The following DIRAS2 variants were observed in gnomAD, a reference collection of about 807,000 sequenced individuals.
DIRAS2 encodes GTP-binding protein Di-Ras2.
In DIRAS2, 5 loss-of-function variants were observed where a neutral mutation model predicts 13.9. That is an observed-to-expected ratio of 0.36 (90% CI 0.19 to 0.76). The LOEUF (loss-of-function observed/expected upper bound fraction) is 0.76, where lower values mean the gene tolerates loss of function less well. Among genes scored for constraint, DIRAS2 ranks in the 30% least tolerant of loss-of-function variants. DIRAS2 has a pLI of 0.53. For missense variants in DIRAS2, 191 were observed against 263.0 expected (o/e 0.73, Z 1.89); for synonymous variants, 111 against 105.4 (o/e 1.05, Z -0.33).
chr9:90,636,648 G>A (rs1002206980), intron 1 of DIRAS2, among the ~76,000 whole-genome samples: 1 of 152,150 alleles, frequency 6.6e-6, no homozygotes, highest in Non-Finnish European at 1.5e-5. Flanking sequence ...CATTTAGCAT[G>A]TGACTAAATG....
intron 1 of DIRAS2, among the ~76,000 whole-genome samples, chr9:90,620,830 T>TG (rs1407623002): frequency 7.2e-5 from 11 of 152,174 alleles, no homozygotes; most frequent in Non-Finnish European, 7.3e-5. Flanking sequence ...GGTGGCCTGC[T>TG]GGGTGCTGGA....
At chr9:90,619,187 C>T (rs1232677530) in intron 1 of DIRAS2, among the ~76,000 whole-genome samples, 1 of 152,058 alleles carries the variant, frequency 6.6e-6, no homozygotes, top group African/African-American at 2.4e-5. Context: ...TGCCAGTAAT[C>T]CCAGCATATT....
rs908695419 is a variant in DIRAS2, at chr9:90,609,940, T to C, written c.*3288A>G. 2.6e-5 allele frequency: 4 copies of C among 152,322 alleles called. No homozygotes were observed. Among genetic ancestry groups the C allele is most frequent in the Admixed American group, 1.3e-4 (2 of 15,278 alleles). The allele number at this position is 152,322 out of a possible 1,614,324, so 9.4% of individuals were successfully genotyped here. A position where few individuals can be genotyped will look rare whatever the true frequency, so the allele number is the denominator to read the frequency against. ...GTGATTTTTATAACCGCAGAGTAAA[T>C]AAAATATAATAGAGAATAGACTTGT... On this transcript the variant is annotated 3_prime_UTR_variant, in exon 2 of 2. Transcript: ENST00000375765.
intron 1 of DIRAS2, among the ~76,000 whole-genome samples, chr9:90,626,894 T>C (rs1825274656): frequency 1.3e-5 from 2 of 152,142 alleles, no homozygotes; most frequent in African/African-American, 4.8e-5. Flanking sequence ...CAAAATGCAG[T>C]ATACATAGAC....
Position 90,613,956 on chromosome 9 carries a change from T to C in DIRAS2, c.-36-93A>G, listed in dbSNP as rs1008278435. 23 of 1,221,900 alleles carry C rather than the reference T, an allele frequency of 1.9e-5. No homozygotes were observed. The highest frequency in any genetic ancestry group is 8.5e-5 in the Admixed American group (3 of 35,090). 75.7% of individuals were successfully genotyped at this position (1,221,900 alleles called of 1,614,324 possible). On this transcript the variant is annotated intron_variant, in intron 1 of 1. Coordinates refer to ENST00000375765, the MANE Select transcript of DIRAS2 (RefSeq NM_017594.5). The surrounding 1 kb of genome is among the most constrained non-coding windows in gnomAD (Gnocchi z 5.6). Reference sequence around the variant, plus strand: ...CTACCCTCTTTTGATAGCTTAAAAATGGGAGGTGATAACATTTAAAATAGC... The same window carrying C: ...CTACCCTCTTTTGATAGCTTAAAAACGGGAGGTGATAACATTTAAAATAGC...
At chr9:90,642,088 G>T (rs143653506) in intron 1 of DIRAS2, among the ~76,000 whole-genome samples, 18 of 152,232 alleles carry the variant, frequency 1.2e-4, no homozygotes, top group South Asian at 2.1e-4. Flanking sequence ...AGAGAGGCAG[G>T]TTCCCACAAC....
chr9:90,615,343 A>T (rs1296339556), intron 1 of DIRAS2, among the ~76,000 whole-genome samples: 1 of 152,224 alleles, frequency 6.6e-6, no homozygotes, highest in Non-Finnish European at 1.5e-5. Flanking sequence ...GCACTTTGGA[A>T]TCCCAAACCC....
chr9:90,629,474 T>G (rs915385474), intron 1 of DIRAS2, among the ~76,000 whole-genome samples: 1 of 151,954 alleles, frequency 6.6e-6, no homozygotes, highest in Admixed American at 6.6e-5. Flanking sequence ...CACCGGAATG[T>G]ATGGTACAAA....
At chr9:90,626,359 C>T (rs952640527) in intron 1 of DIRAS2, among the ~76,000 whole-genome samples, 1 of 151,184 alleles carries the variant, frequency 6.6e-6, no homozygotes, top group Non-Finnish European at 1.5e-5. Flanking sequence ...ATAGTCCAAA[C>T]TACCAGAGAG....
At chr9:90,637,485 C>T (rs953288171) in intron 1 of DIRAS2, among the ~76,000 whole-genome samples, 1 of 152,148 alleles carries the variant, frequency 6.6e-6, no homozygotes, top group Non-Finnish European at 1.5e-5. Context: ...TTGAAAATTA[C>T]TATCAAGTTC....
At chr9:90,641,261 G>C (rs960736192) in intron 1 of DIRAS2, among the ~76,000 whole-genome samples, 2 of 152,154 alleles carry the variant, frequency 1.3e-5, no homozygotes, top group Non-Finnish European at 2.9e-5. Flanking sequence ...TATTAAAGCT[G>C]TAACAAAGAA....
At chr9:90,636,449 A>G (rs1002259518) in intron 1 of DIRAS2, among the ~76,000 whole-genome samples, 2 of 152,206 alleles carry the variant, frequency 1.3e-5, no homozygotes, top group South Asian at 2.1e-4. Flanking sequence ...AAAAGTTACC[A>G]TGCAAAAATC....
rs367800369 is a variant in DIRAS2 at position 90,632,212 on chromosome 9, C to T, written c.-37+10540G>A. ...ATGCTCAAAACCCTCCATCATTGGC[C>T]CTGTCTCCCTGACAGTAACAGCTAA... On this transcript the variant is annotated intron_variant, in intron 1 of 1. Transcript: ENST00000375765. Among the ~76,000 whole-genome samples, 11 of 152,302 alleles carry T rather than the reference C, an allele frequency of 7.2e-5. No individual in the cohort carries two copies. The East Asian group carries it at 7.7e-4, about 11-fold the overall frequency.
At chr9:90,616,090 T>A (rs1825166256) in intron 1 of DIRAS2, among the ~76,000 whole-genome samples, 1 of 152,236 alleles carries the variant, frequency 6.6e-6, no homozygotes, top group African/African-American at 2.4e-5. Context: ...TGCATCCCAA[T>A]GTATCTCAAA....
At chr9:90,638,548 A>G (rs1226593900) in intron 1 of DIRAS2, among the ~76,000 whole-genome samples, 3 of 152,234 alleles carry the variant, frequency 2.0e-5, no homozygotes, top group Non-Finnish European at 4.4e-5. Context: ...AAAGGTAAAG[A>G]GAAGGAAGCA....
intron 1 of DIRAS2, among the ~76,000 whole-genome samples, chr9:90,630,864 G>A (rs370427058): frequency 1.3e-5 from 2 of 152,128 alleles, no homozygotes; most frequent in South Asian, 2.1e-4. Flanking sequence ...TAGAGACAGC[G>A]TTTTGGAAAG....
At chr9:90,638,580 T>C (rs1207869995) in intron 1 of DIRAS2, among the ~76,000 whole-genome samples, 7 of 152,122 alleles carry the variant, frequency 4.6e-5, no homozygotes, top group Non-Finnish European at 7.4e-5. Flanking sequence ...CAATCCCTTT[T>C]TAAGTGTCAG....
Position 90,610,059 on chromosome 9 carries a change from T to G in DIRAS2, c.*3169A>C. On this transcript the variant is annotated 3_prime_UTR_variant, in exon 2 of 2. Coordinates refer to ENST00000375765, the MANE Select transcript of DIRAS2 (RefSeq NM_017594.5). ...AAATACTTTGTATACACACTGTCCTTGTGGGGTATGAATTCCAGGATGTGT... is the reference window on the plus strand; with the variant it reads ...AAATACTTTGTATACACACTGTCCTGGTGGGGTATGAATTCCAGGATGTGT... The G allele has an allele frequency of 5.1e-6, 1 of 194,432 alleles. No homozygotes were observed. The allele number at this position is 194,432 out of a possible 1,614,324, so 12.0% of individuals were successfully genotyped here.
At chr9:90,623,336 G>C (rs145533509) in intron 1 of DIRAS2, among the ~76,000 whole-genome samples, 307 of 152,164 alleles carry the variant, frequency 2.0e-3, no homozygotes, top group African/African-American at 7.2e-3. Context: ...CCCCTGAATG[G>C]GAAGGCTGGG....
Sources: gnomAD v4.1 joint callset for allele counts (sites outside exome capture counted in the v4.1 genomes callset) on GRCh38, gnomAD v4.1.1 for gene constraint, Gnocchi (gnomAD v3.1) non-coding constraint, MANE v1.5 for transcripts, NCBI Gene and HGNC (gene_info 2026-07-23, HGNC 2026-07-21) for gene names.